The following PPIC variants were observed in gnomAD, a reference collection of about 807,000 sequenced individuals.
PPIC encodes peptidylprolyl isomerase C.
In PPIC, 19 loss-of-function variants were observed where a neutral mutation model predicts 19.5. The ratio of observed to expected loss-of-function variants is 0.98; its 90% CI spans 0.68 to 1.43. The LOEUF (loss-of-function observed/expected upper bound fraction) is 1.43, where lower values mean the gene tolerates loss of function less well. PPIC is among the 40% of genes most tolerant of loss of function. The pLI, the probability that PPIC is intolerant of heterozygous loss-of-function variation, is 0.00. For synonymous variants in PPIC, 107 were observed against 101.2 expected (o/e 1.06, Z -0.34); for missense variants, 268 against 268.6 (o/e 1.00, Z 0.02).
chr5:123,032,463 C>G (rs1226846650), intron 1 of PPIC, among the ~76,000 whole-genome samples: 1 of 152,120 alleles, frequency 6.6e-6, no homozygotes, highest in Non-Finnish European at 1.5e-5. Context: ...TAAAGGTCAG[C>G]AGGAGGAGGC....
At chr5:123,034,236 A>G (rs1337703178) in intron 1 of PPIC, among the ~76,000 whole-genome samples, 2 of 152,262 alleles carry the variant, frequency 1.3e-5, no homozygotes, top group Non-Finnish European at 2.9e-5. Context: ...TTACAAGTTC[A>G]TGAAAAAGTA....
chr5:123,032,245 C>A (rs892255545), intron 1 of PPIC, among the ~76,000 whole-genome samples: 4 of 152,164 alleles, frequency 2.6e-5, no homozygotes, highest in African/African-American at 9.7e-5. Context: ...AAAGGTGGGA[C>A]AGGAACTATT....
chr5:123,030,919 TAAAGA>T (rs1762931974), intron 1 of PPIC, among the ~76,000 whole-genome samples: 2 of 151,840 alleles, frequency 1.3e-5, no homozygotes, highest in Non-Finnish European at 2.9e-5. Context: ...ACTTTTAAAA[TAAAGA>T]AGAGAAAACA....
In PPIC at chr5:123,030,002, T is replaced by A. The variant is rs1372143702; in HGVS notation, c.118-584A>T. On this transcript the variant is annotated intron_variant, in intron 1 of 4. Coordinates refer to ENST00000306442, the MANE Select transcript of PPIC (RefSeq NM_000943.5). ...AGTCCTTCAAAAGGCCTGCCACTCA[T>A]GTCCAAGCACAATAAAGCACCAGGT... is the stretch of plus-strand genomic sequence containing the variant. Among the ~76,000 whole-genome samples the A allele has an allele frequency of 3.9e-5, 6 of 152,178 alleles. No homozygotes were observed. The South Asian group carries it at 1.2e-3, about 31-fold the overall frequency.
chr5:123,028,106 G>A (rs1236708113), intron 3 of PPIC, among the ~76,000 whole-genome samples: 1 of 152,202 alleles, frequency 6.6e-6, no homozygotes, highest in Non-Finnish European at 1.5e-5. Context: ...CTTGGGTCCT[G>A]ACGAAACCAC....
chr5:123,028,591 G>T (rs898252544), intron 3 of PPIC, 184 bp downstream of exon 3: 3 of 468,064 alleles, frequency 6.4e-6, no homozygotes, highest in Middle Eastern at 2.9e-4. Context: ...AAATAAGGAC[G>T]CCTCCCTCAT....
intron 1 of PPIC, among the ~76,000 whole-genome samples, chr5:123,033,886 A>G (rs1475096991): frequency 3.9e-5 from 6 of 152,210 alleles, no homozygotes; most frequent in Admixed American, 3.9e-4. Flanking sequence ...CACAGATCCC[A>G]TGGCATTGGT....
chr5:123,034,706 T>A (rs1261577761), intron 1 of PPIC, among the ~76,000 whole-genome samples: 1 of 152,236 alleles, frequency 6.6e-6, no homozygotes, highest in Non-Finnish European at 1.5e-5. Flanking sequence ...CTGGGCATCC[T>A]GTATTTTATT....
At position 123,025,763 on chromosome 5, in the gene PPIC, GA is replaced by G; in HGVS notation, c.510+20del. The G allele has an allele frequency of 6.2e-7, 1 of 1,605,472 alleles. No homozygotes were observed. The highest frequency in any genetic ancestry group is 8.5e-7 in the Non-Finnish European group (1 of 1,176,556). On this transcript the variant is annotated intron_variant, in intron 4 of 4. Coordinates refer to ENST00000306442, the MANE Select transcript of PPIC (RefSeq NM_000943.5). ...CAATAAAAATATAAAGCTTTGAAAG[GA>G]AAAAAATGTATCAATTTACCATCCC...
Position 123,029,321 on chromosome 5 carries a change from G to A in PPIC, c.215C>T (p.Ala72Val). 1.2e-6 allele frequency: 2 copies of A among 1,613,944 alleles called. No individual in the cohort carries two copies. Among genetic ancestry groups the A allele is most frequent in the Non-Finnish European group, 1.7e-6 (2 of 1,179,904 alleles). ...GAGACATACCTCTCCTGTTGCTAGA[G>A]CAACAAAATTTTCCACTGTCTTGGG... Reference protein sequence around the residue: ...VVPKTVENFVALATGEKGYGY... With the variant: ...VVPKTVENFVVLATGEKGYGY... Residue 72 changes from alanine (A) to valine (V), a missense_variant, in exon 2 of 5, where the codon GCT (alanine) becomes GTT (valine). Physicochemically the swap from Ala to Val is moderately conservative, Grantham distance 64. Transcript: ENST00000306442.
Position 123,023,680 on chromosome 5 carries a change from G to T in PPIC, c.*195C>A. On this transcript the variant is annotated 3_prime_UTR_variant, in exon 5 of 5. Transcript: ENST00000306442. The stretch of plus-strand genomic sequence containing the variant: ...ATATATTTAAGTTCAAAGTCCCTAA[G>T]CAGGTGGTTTACTAAAGTTCAAGCA... 1 of 782,524 alleles carries T rather than the reference G, an allele frequency of 1.3e-6. No homozygotes were observed. Among genetic ancestry groups the T allele is most frequent in the Non-Finnish European group, 1.8e-6 (1 of 569,956 alleles). 48.5% of individuals were successfully genotyped at this position (782,524 alleles called of 1,614,324 possible).
intron 1 of PPIC, among the ~76,000 whole-genome samples, chr5:123,030,626 A>T (rs1170053772): frequency 6.6e-6 from 1 of 152,224 alleles, no homozygotes; most frequent in African/African-American, 2.4e-5. Context: ...TGGCCAAAGC[A>T]GCAAAACTTT....
intron 3 of PPIC, 115 bp downstream of exon 3, chr5:123,028,660 G>C: frequency 1.3e-6 from 1 of 769,728 alleles, no homozygotes; most frequent in Non-Finnish European, 2.1e-6. Flanking sequence ...AAGAGGTACA[G>C]TCGTCTTTAC....
In PPIC at chr5:123,028,877, AT is replaced by A. The variant is rs1274815268; in HGVS notation, c.232-10del. ...TTATATCCATATCCTTTCTAAAGAG[AT>A]TACTTCAGTTGAATAACAAGTAACA... On this transcript the variant is annotated splice_polypyrimidine_tract_variant and intron_variant, in intron 2 of 4. Transcript: ENST00000306442. The A allele has an allele frequency of 1.0e-5, 16 of 1,583,870 alleles. No individual in the cohort carries two copies. Among genetic ancestry groups the A allele is most frequent in the Non-Finnish European group, 1.4e-5 (16 of 1,153,470 alleles).
At position 123,036,357 on chromosome 5, in the gene PPIC, C is replaced by A. The variant is rs1763012434; in HGVS notation, c.117+152G>T. On this transcript the variant is annotated intron_variant, in intron 1 of 4. Transcript: ENST00000306442. The surrounding 1 kb of genome is among the most constrained non-coding windows in gnomAD (Gnocchi z 4.5). ...CGCCGGCCTCCCAGCACGCGAGCAG[C>A]CCCCTCCCACCCAGTCCCGCGGCCG... 1 of 688,540 alleles carries A rather than the reference C, an allele frequency of 1.5e-6. No homozygotes were observed. The highest frequency in any genetic ancestry group is 2.5e-6 in the Non-Finnish European group (1 of 407,002). 42.7% of individuals were successfully genotyped at this position (688,540 alleles called of 1,614,324 possible).
chr5:123,028,581 A>C (rs1762896520), intron 3 of PPIC, 194 bp downstream of exon 3: 2 of 467,642 alleles, frequency 4.3e-6, no homozygotes, highest in South Asian at 1.1e-4. Context: ...ATCCTGCTTA[A>C]AATAAGGACG....
chr5:123,024,125 G>T, intron 4 of PPIC, 122 bp from the exon 5 acceptor site: 2 of 1,128,730 alleles, frequency 1.8e-6, no homozygotes, highest in South Asian at 1.8e-5. Context: ...TTGGTTGGTT[G>T]GTTTTTTATG....
chr5:123,023,965 C>T lies in PPIC; in HGVS notation c.549G>A (p.Gly183=), dbSNP rs756767824. 4 of 1,613,884 alleles carry T rather than the reference C, an allele frequency of 2.5e-6. No homozygotes were observed. Among genetic ancestry groups the T allele is most frequent in the Non-Finnish European group, 2.5e-6 (3 of 1,179,972 alleles). Residue 183 remains glycine (G), a synonymous_variant, in exon 5 of 5, where the codon GGG becomes GGA. Transcript: ENST00000306442. ...AGCAGTTGGTGAGTGGACGGTCATG[C>T]CCATCAGTTGCTTGGAGCTCTATGG... The part of the protein sequence containing the change: ...VHSIELQATD[G]HDRPLTNCSI...
intron 1 of PPIC, 24 bp from the exon 2 acceptor site, chr5:123,029,442 T>A (rs1762914722): frequency 1.3e-6 from 2 of 1,556,170 alleles, no homozygotes; most frequent in South Asian, 1.2e-5. Flanking sequence ...AAAGGCAAAG[T>A]GGAAGGTTAT....
Sources: gnomAD v4.1 joint callset for allele counts (sites outside exome capture counted in the v4.1 genomes callset) on GRCh38, gnomAD v4.1.1 for gene constraint, Gnocchi (gnomAD v3.1) non-coding constraint, MANE v1.5 for transcripts, NCBI Gene and HGNC (gene_info 2026-07-23, HGNC 2026-07-21) for gene names.